The following CFI variants were observed in gnomAD, a reference collection of about 807,000 sequenced individuals.
CFI encodes complement factor I.
A neutral mutation model predicts 78.8 loss-of-function variants in CFI; 66 were observed. The ratio of observed to expected loss-of-function variants is 0.84; its 90% CI spans 0.69 to 1.03. The LOEUF (loss-of-function observed/expected upper bound fraction) is 1.03. CFI is among the 50% of genes least tolerant of loss of function. CFI has a pLI of 0.00. For synonymous variants in CFI, 250 were observed against 232.6 expected (o/e 1.07, Z -0.68); for missense variants, 706 against 704.5 (o/e 1.00, Z -0.02).
intron 1 of CFI, among the ~76,000 whole-genome samples, chr4:109,794,762 C>A (rs1416978517): frequency 1.3e-5 from 2 of 152,106 alleles, no homozygotes; most frequent in Admixed American, 1.3e-4. Context: ...CACTGCACTC[C>A]AGCTTGGGTG....
intron 7 of CFI, among the ~76,000 whole-genome samples, chr4:109,753,187 TATAAATAA>T (rs1186281954): frequency 2.5e-5 from 2 of 80,142 alleles, no homozygotes; most frequent in South Asian, 5.1e-4. Context: ...ATATTTATTA[TATAAATAA>T]ATATTTATAA....
chr4:109,757,725 A>C (rs1318283900), intron 7 of CFI, 38 bp downstream of exon 7: 3 of 1,326,284 alleles, frequency 2.3e-6, no homozygotes, highest in Non-Finnish European at 3.2e-6. Flanking sequence ...GTTTTGTTTC[A>C]ATTTTTTAAT....
At chr4:109,747,176 C>A (rs938941597) in intron 10 of CFI, among the ~76,000 whole-genome samples, 3 of 152,008 alleles carry the variant, frequency 2.0e-5, no homozygotes, top group Non-Finnish European at 2.9e-5. Flanking sequence ...TATCAAGTTT[C>A]TTTCTTCCCT....
At chr4:109,762,019 T>G in intron 3 of CFI, 1 of 305,414 alleles carries the variant, frequency 3.3e-6, no homozygotes, top group South Asian at 3.2e-5. Flanking sequence ...GTGAAAATCC[T>G]ATCTCTACCA....
At chr4:109,798,304 A>T (rs1181436942) in intron 1 of CFI, among the ~76,000 whole-genome samples, 3 of 152,182 alleles carry the variant, frequency 2.0e-5, no homozygotes, top group Admixed American at 6.5e-5. Context: ...CTAAGAGCAC[A>T]ATTTCTTTGT....
chr4:109,765,057 C>T (rs1484421641), intron 2 of CFI, among the ~76,000 whole-genome samples: 1 of 152,158 alleles, frequency 6.6e-6, no homozygotes, highest in Non-Finnish European at 1.5e-5. Flanking sequence ...GTAAGCCCAA[C>T]CGTGAAAATG....
chr4:109,765,154 C>T (rs1245787109), intron 2 of CFI, among the ~76,000 whole-genome samples: 5 of 152,212 alleles, frequency 3.3e-5, no homozygotes, highest in African/African-American at 1.2e-4. Context: ...GATGAAATAA[C>T]CTCCACTATT....
chr4:109,783,813 AT>A (rs1730375735), intron 1 of CFI, among the ~76,000 whole-genome samples: 1 of 93,908 alleles, frequency 1.1e-5, no homozygotes, highest in Admixed American at 1.3e-4. Context: ...AGAAACTGTG[AT>A]ATATATATAT....
At chr4:109,740,124 C>G (rs1322039854), downstream of CFI, among the ~76,000 whole-genome samples, 6 of 151,950 alleles carry the variant, frequency 3.9e-5, no homozygotes, top group South Asian at 2.1e-4. Context: ...CAAGATGCCT[C>G]TCTACAAAAA....
At chr4:109,785,693 C>T (rs1341254690) in intron 1 of CFI, among the ~76,000 whole-genome samples, 1 of 152,010 alleles carries the variant, frequency 6.6e-6, no homozygotes, top group Non-Finnish European at 1.5e-5. Flanking sequence ...TTATAATCCC[C>T]ATAATCCCCA....
chr4:109,737,585 A>G (rs1006440593), downstream of CFI, among the ~76,000 whole-genome samples: 4 of 152,118 alleles, frequency 2.6e-5, no homozygotes, highest in African/African-American at 9.7e-5. Flanking sequence ...GTCCCTGGCC[A>G]CCTTCAGGCG....
chr4:109,756,784 G>A (rs1165015021), intron 7 of CFI, among the ~76,000 whole-genome samples: 2 of 151,248 alleles, frequency 1.3e-5, no homozygotes, highest in African/African-American at 4.9e-5. Context: ...GCTTAAACCC[G>A]GGAGGTGGAG....
At chr4:109,734,332 A>G in the CFI span, among the ~76,000 whole-genome samples, 2 of 152,208 alleles carry the variant, frequency 1.3e-5, no homozygotes, top group Non-Finnish European at 2.9e-5. Flanking sequence ...GAAAAGTGCT[A>G]TATTCTGGTG....
chr4:109,747,894 T>G lies in CFI; in HGVS notation c.1148+1324A>C, dbSNP rs562098826. On this transcript the variant is annotated intron_variant, in intron 10 of 12. Coordinates refer to ENST00000394634, the MANE Select transcript of CFI (RefSeq NM_000204.5). ...CAGCCTAGATCCTTCACATGTGCAA[T>G]TCACAATAGGGTTTGCACTCCTATG... 5.3e-5 allele frequency among the ~76,000 whole-genome samples: 8 copies of G among 152,102 alleles called. 1 individual carries two copies. Among genetic ancestry groups the G allele is most frequent in the African/African-American group, 1.9e-4 (8 of 41,406 alleles).
chr4:109,780,025 C>A (rs983946029), intron 1 of CFI, among the ~76,000 whole-genome samples: 5 of 151,944 alleles, frequency 3.3e-5, no homozygotes, highest in Non-Finnish European at 5.9e-5. Context: ...AATGTTAGAC[C>A]TAAAACCATA....
chr4:109,748,355 C>G (rs1724730318), intron 10 of CFI, among the ~76,000 whole-genome samples: 1 of 152,116 alleles, frequency 6.6e-6, no homozygotes, highest in African/African-American at 2.4e-5. Context: ...GAAACAGTTC[C>G]TGCTTTCATG....
chr4:109,793,152 C>T (rs1731592800), intron 1 of CFI, among the ~76,000 whole-genome samples: 1 of 151,818 alleles, frequency 6.6e-6, no homozygotes, highest in South Asian at 2.1e-4. Flanking sequence ...TTTTTCGGTA[C>T]TATGGAGATT....
At chr4:109,784,046 G>C (rs998138724) in intron 1 of CFI, among the ~76,000 whole-genome samples, 1 of 151,664 alleles carries the variant, frequency 6.6e-6, no homozygotes, top group Admixed American at 6.6e-5. Context: ...AAGAGTGGGA[G>C]GGAGGCAAGG....
downstream of CFI, among the ~76,000 whole-genome samples, chr4:109,737,062 A>G (rs192637338): frequency 4.5e-4 from 68 of 152,074 alleles, no homozygotes; most frequent in Admixed American, 1.0e-3. Flanking sequence ...CATCCTTTTT[A>G]TCCCTGCTTT....
Sources: allele counts gnomAD v4.1 joint callset (sites outside exome capture counted in the v4.1 genomes callset), GRCh38; gene constraint gnomAD v4.1.1; transcripts MANE v1.5; gene names NCBI Gene and HGNC (gene_info 2026-07-23, HGNC 2026-07-21).